Variants in NCAN observed in about 807,000 individuals in gnomAD.
The protein encoded by NCAN is neurocan core protein.
Under a neutral mutation model 121.8 loss-of-function variants are expected in NCAN, and 47 were observed. The observed-to-expected ratio is 0.39, with a 90% CI of 0.31 to 0.49. The LOEUF (loss-of-function observed/expected upper bound fraction) is 0.49. Among genes scored for constraint, NCAN ranks in the 20% least tolerant of loss-of-function variants. The probability of loss-of-function intolerance (pLI) is 0.92; values close to 1 mark genes in which losing one functional copy is unlikely to be tolerated. For synonymous variants in NCAN, 633 were observed against 702.0 expected (o/e 0.90, Z 1.55); for missense variants, 1,517 against 1,773.4 (o/e 0.86, Z 2.60).
intron 10 of NCAN, 44 bp downstream of exon 10, chr19:19,235,140 T>C (rs367933863): frequency 7.2e-7 from 1 of 1,394,086 alleles, no homozygotes; most frequent in African/African-American, 1.4e-5. Flanking sequence ...AAGAGTGGGG[T>C]TGGGTGCCCA....
At chr19:19,242,955 C>T (rs35583425) in intron 12 of NCAN, among the ~76,000 whole-genome samples, 4 of 151,596 alleles carry the variant, frequency 2.6e-5, no homozygotes, top group Admixed American at 6.6e-5. Context: ...GGCAACATGG[C>T]GAAACCCCAT....
At chr19:19,238,156 T>G (rs2060888797) in intron 10 of NCAN, 97 bp from the exon 11 acceptor site, 5 of 1,530,088 alleles carry the variant, frequency 3.3e-6, no homozygotes, top group Non-Finnish European at 4.5e-6. Context: ...GCAGTGACCT[T>G]GGATTGGGCC....
chr19:19,242,517 C>T (rs1220117126), intron 12 of NCAN, among the ~76,000 whole-genome samples: 1 of 152,080 alleles, frequency 6.6e-6, no homozygotes, highest in East Asian at 1.9e-4. Context: ...TGGTGAAACC[C>T]TGTCTCTACT....
At chr19:19,236,651 A>G (rs1254574292) in intron 10 of NCAN, among the ~76,000 whole-genome samples, 3 of 150,876 alleles carry the variant, frequency 2.0e-5, no homozygotes, top group African/African-American at 7.3e-5. Context: ...GCTGCTCTAA[A>G]ACTCCTGGGT....
At chr19:19,232,681 C>G (rs1204128210) in intron 8 of NCAN, among the ~76,000 whole-genome samples, 1 of 152,216 alleles carries the variant, frequency 6.6e-6, no homozygotes, top group Non-Finnish European at 1.5e-5. Context: ...GAAATGTTCT[C>G]TATCCACGCT....
At chr19:19,215,848 G>A (rs2060794280) in intron 1 of NCAN, among the ~76,000 whole-genome samples, 1 of 152,182 alleles carries the variant, frequency 6.6e-6, no homozygotes, top group African/African-American at 2.4e-5. Context: ...GGAGGAGGCT[G>A]ACTTGAAAAA....
At position 19,233,444 on chromosome 19, in the gene NCAN, C is replaced by T. The variant is rs142864889; in HGVS notation, c.3020-345C>T. Among the ~76,000 whole-genome samples the T allele has an allele frequency of 1.3e-3, 203 of 152,110 alleles. 1 individual carries two copies. The highest frequency in any genetic ancestry group is 0.012 in the East Asian group (64 of 5,172). On this transcript the variant is annotated intron_variant, in intron 8 of 14. Transcript: ENST00000252575. Reference sequence around the variant, plus strand: ...GTGTGCCCAAAGGAGGGGAAGGACACTGAAGTCAGGGAGGACACTGAAGCC... The same window carrying T: ...GTGTGCCCAAAGGAGGGGAAGGACATTGAAGTCAGGGAGGACACTGAAGCC...
In NCAN at chr19:19,225,737, A is replaced by C. The variant is rs2060834294; in HGVS notation, c.1072+467A>C. Among the ~76,000 whole-genome samples, 1 of 152,146 alleles carries C rather than the reference A, an allele frequency of 6.6e-6. No homozygotes were observed. Among genetic ancestry groups the C allele is most frequent in the Non-Finnish European group, 1.5e-5 (1 of 68,008 alleles). On this transcript the variant is annotated intron_variant, in intron 6 of 14. Coordinates refer to ENST00000252575, the MANE Select transcript of NCAN (RefSeq NM_004386.3). This position sits in a 1 kb window ranked among gnomAD's most constrained non-coding sequence, Gnocchi z 4.0. ...CAGTGGGGACAGCTTTGGAAGCTGC[A>C]AGCATCAACCCCAAGGAGCCATGTC...
At chr19:19,222,554 C>CA (rs1372591985) in intron 3 of NCAN, among the ~76,000 whole-genome samples, 2 of 152,072 alleles carry the variant, frequency 1.3e-5, no homozygotes, top group Non-Finnish European at 2.9e-5. Flanking sequence ...GCTGGGATTA[C>CA]AGGCATGAGC....
At chr19:19,224,857 C>T (rs1034561250) in intron 5 of NCAN, 120 bp from the exon 6 acceptor site, 1 of 885,828 alleles carries the variant, frequency 1.1e-6, no homozygotes. Context: ...CGGTTGTCAC[C>T]GCCTCTTCTA....
chr19:19,213,923 T>C lies in NCAN; in HGVS notation c.-8+1859T>C, dbSNP rs73922837. 7.6e-3 allele frequency among the ~76,000 whole-genome samples: 1,154 copies of C among 152,278 alleles called. 17 individuals carry two copies. Among genetic ancestry groups the C allele is most frequent in the African/African-American group, 0.026 (1,068 of 41,548 alleles). On this transcript the variant is annotated intron_variant, in intron 1 of 14. Coordinates refer to ENST00000252575, the MANE Select transcript of NCAN (RefSeq NM_004386.3). ...CTCTCAGGTCAGAAACACACACATGTGCGCACAGCCCCCTGCTGAGGGTCA... is the reference window on the plus strand; with the variant it reads ...CTCTCAGGTCAGAAACACACACATGCGCGCACAGCCCCCTGCTGAGGGTCA...
At chr19:19,240,340 T>A (rs1395563393) in intron 11 of NCAN, among the ~76,000 whole-genome samples, 4 of 148,434 alleles carry the variant, frequency 2.7e-5, no homozygotes, top group African/African-American at 1.0e-4. Flanking sequence ...GGGCTGAGTC[T>A]TCCCCTCCCA....
chr19:19,237,539 G>A (rs1214090187), intron 10 of NCAN, among the ~76,000 whole-genome samples: 1 of 151,904 alleles, frequency 6.6e-6, no homozygotes. Flanking sequence ...TGGGTGTGAA[G>A]TGATATCTCA....
chr19:19,214,346 G>A (rs1395412171), intron 1 of NCAN, among the ~76,000 whole-genome samples: 3 of 152,162 alleles, frequency 2.0e-5, no homozygotes, highest in Non-Finnish European at 4.4e-5. Flanking sequence ...GCCCCAGACA[G>A]CTGTGTAAAT....
intron 1 of NCAN, 70 bp from the exon 2 acceptor site, chr19:19,216,877 C>T: frequency 1.1e-6 from 1 of 902,862 alleles, no homozygotes; most frequent in African/African-American, 1.7e-5. Flanking sequence ...GGAGTTTGGT[C>T]CTGCAATGCT....
intron 8 of NCAN, among the ~76,000 whole-genome samples, chr19:19,231,667 T>C (rs1258137553): frequency 6.6e-6 from 1 of 151,928 alleles, no homozygotes; most frequent in Non-Finnish European, 1.5e-5. Flanking sequence ...GGCTGCGAAA[T>C]GCTTAGCTCG....
At position 19,250,803 on chromosome 19, in the gene NCAN, C is replaced by A; in HGVS notation, c.*892C>A. ...TCTAGCCCAGTGCACATACCCAGTC[C>A]TTAAGCAGACATTGGTAGTGCCCCT... On this transcript the variant is annotated 3_prime_UTR_variant, in exon 15 of 15. Transcript: ENST00000252575. 6.4e-6 allele frequency: 1 copy of A among 155,214 alleles called. No individual in the cohort carries two copies. Among genetic ancestry groups the A allele is most frequent in the Non-Finnish European group, 1.4e-5 (1 of 69,276 alleles). 9.6% of individuals were successfully genotyped at this position (155,214 alleles called of 1,614,324 possible).
At chr19:19,248,455 C>CA (rs1323527543) in intron 13 of NCAN, among the ~76,000 whole-genome samples, 14 of 150,648 alleles carry the variant, frequency 9.3e-5, no homozygotes, top group Admixed American at 6.6e-5. Context: ...AAAAAAGGAA[C>CA]AAAAAAATAC....
At chr19:19,215,062 C>A (rs1385305004) in intron 1 of NCAN, among the ~76,000 whole-genome samples, 4 of 152,162 alleles carry the variant, frequency 2.6e-5, no homozygotes, top group African/African-American at 9.7e-5. Context: ...CCTGAGGCAT[C>A]GTGTTAGCAG....
Sources: gnomAD v4.1 joint callset for allele counts (sites outside exome capture counted in the v4.1 genomes callset) on GRCh38, gnomAD v4.1.1 for gene constraint, Gnocchi (gnomAD v3.1) non-coding constraint, MANE v1.5 for transcripts, NCBI Gene and HGNC (gene_info 2026-07-23, HGNC 2026-07-21) for gene names.